The following TTC13 variants were observed in gnomAD, a reference collection of about 807,000 sequenced individuals.
TTC13 encodes the protein tetratricopeptide repeat protein 13.
TTC13 carries 62 observed loss-of-function variants against 120.0 expected under a neutral mutation model. That is an observed-to-expected ratio of 0.52 (90% confidence interval 0.42 to 0.64). The LOEUF (loss-of-function observed/expected upper bound fraction) is 0.64. TTC13 is among the 30% of genes least tolerant of loss of function. TTC13 has a pLI of 0.00. For missense variants in TTC13, 824 were observed against 1,050.2 expected (o/e 0.78, Z 2.98); for synonymous variants, 384 against 393.5 (o/e 0.98, Z 0.28).
Position 230,957,756 on chromosome 1 carries a change from A to G in TTC13, c.442+468T>C, listed in dbSNP as rs376395139. Reference sequence around the variant, plus strand: ...ACACACCAAACTATGTGACTCGTGCAGGTACGAATGAATTCAATTTTTCTA... The same window carrying G: ...ACACACCAAACTATGTGACTCGTGCGGGTACGAATGAATTCAATTTTTCTA... On this transcript the variant is annotated intron_variant, in intron 3 of 22. Transcript: ENST00000366661. 7.6e-4 allele frequency among the ~76,000 whole-genome samples: 116 copies of G among 152,112 alleles called. 1 individual carries two copies. Among genetic ancestry groups the G allele is most frequent in the African/African-American group, 2.6e-3 (108 of 41,490 alleles).
At position 230,944,569 on chromosome 1, in the gene TTC13, C is replaced by T. The variant is rs932383856; in HGVS notation, c.580-671G>A. Among the ~76,000 whole-genome samples the T allele has an allele frequency of 6.6e-6, 1 of 152,114 alleles. No individual in the cohort carries two copies. The highest frequency in any genetic ancestry group is 2.4e-5 in the African/African-American group (1 of 41,428). On this transcript the variant is annotated intron_variant, in intron 5 of 22. Coordinates refer to ENST00000366661, the MANE Select transcript of TTC13 (RefSeq NM_024525.5). This position sits in a 1 kb window ranked among gnomAD's most constrained non-coding sequence, Gnocchi z 4.0. Reference sequence around the variant, plus strand: ...TCCCAATTCTAAATTCATTCTCAGTCCTCTATGTCTCAAAGTATACAAATA... The same window carrying T: ...TCCCAATTCTAAATTCATTCTCAGTTCTCTATGTCTCAAAGTATACAAATA...
chr1:230,954,342 T>G lies in TTC13; in HGVS notation c.504A>C (p.Thr168=). 2.5e-6 allele frequency: 4 copies of G among 1,612,056 alleles called. No homozygotes were observed. Among genetic ancestry groups the G allele is most frequent in the Non-Finnish European group, 3.4e-6 (4 of 1,178,848 alleles). ...TAAGAAGAAAATTTACCTGAAGCATTGTTGAAAAATGCCGTATTGCTTCAT... is the reference window on the plus strand; with the variant it reads ...TAAGAAGAAAATTTACCTGAAGCATGGTTGAAAAATGCCGTATTGCTTCAT... The part of the protein sequence containing the change: ...LYDEAIRHFS[T]MLQEEPDLVS... The change falls in exon 4 of 23, where the codon ACA becomes ACC. Residue 168 remains threonine, a synonymous_variant. Transcript: ENST00000366661.
At chr1:230,919,820 T>C (rs974525022) in intron 17 of TTC13, among the ~76,000 whole-genome samples, 2 of 152,182 alleles carry the variant, frequency 1.3e-5, no homozygotes, top group Non-Finnish European at 2.9e-5. Flanking sequence ...GAAACTCCAA[T>C]GTCTCTCAGC....
intron 8 of TTC13, among the ~76,000 whole-genome samples, chr1:230,934,670 TA>T (rs1211932023): frequency 6.6e-6 from 1 of 152,048 alleles, no homozygotes; most frequent in African/African-American, 2.4e-5. Context: ...TACACTGCAA[TA>T]AAAAAAATTA....
At chr1:230,966,388 TAGG>T (rs978240395) in intron 1 of TTC13, among the ~76,000 whole-genome samples, 4 of 152,228 alleles carry the variant, frequency 2.6e-5, no homozygotes, top group Admixed American at 6.5e-5. Flanking sequence ...TGTAGATTAA[TAGG>T]AGAAGAAATA....
rs1198772802 is a variant in TTC13 at position 230,908,976 on chromosome 1, C to T, written c.2354G>A (p.Gly785Glu). The change falls in exon 21 of 23, where the codon GGA becomes GAA. Residue 785 changes from glycine (G) to glutamate (E), a missense_variant. This residue lies in a region of TTC13 where 226 missense variants were observed against 259.1 expected (regional missense o/e 0.87). Transcript: ENST00000366661. ...GGGAATTTTTCCTGCTACTTCTTTT[C>T]CACTTGCCATCAGTGCTCCCACGAT... is the stretch of plus-strand genomic sequence containing the variant. Reference protein sequence around the residue: ...SVIVGALMASGKEVAGKIPKG... With the variant: ...SVIVGALMASEKEVAGKIPKG... The T allele has an allele frequency of 3.7e-6, 6 of 1,614,068 alleles. No individual in the cohort carries two copies. Among genetic ancestry groups the T allele is most frequent in the Non-Finnish European group, 5.1e-6 (6 of 1,180,040 alleles).
chr1:230,929,026 C>A lies in TTC13; in HGVS notation c.1368G>T (p.Leu456=). Residue 456 remains leucine (L), a synonymous_variant, in exon 12 of 23, where the codon CTG becomes CTT. Coordinates refer to ENST00000366661, the MANE Select transcript of TTC13 (RefSeq NM_024525.5). ...PLTEYNIDVD[L]PGSFKDHWAK... ...CCCAGTGGTCCTTAAAGCTTCCAGG[C>A]AGATCCACATCAATGTTATATTCCG... 6.2e-7 allele frequency: 1 copy of A among 1,614,128 alleles called. No individual in the cohort carries two copies. The highest frequency in any genetic ancestry group is 1.1e-5 in the South Asian group (1 of 91,082).
At chr1:230,968,969 T>C (rs1341823549) in intron 1 of TTC13, among the ~76,000 whole-genome samples, 2 of 152,194 alleles carry the variant, frequency 1.3e-5, no homozygotes, top group Non-Finnish European at 2.9e-5. Flanking sequence ...AGACTGTAAG[T>C]ACAGTCTCTA....
chr1:230,960,329 C>T (rs1457084051), intron 2 of TTC13, among the ~76,000 whole-genome samples: 1 of 152,064 alleles, frequency 6.6e-6, no homozygotes, highest in East Asian at 1.9e-4. Context: ...ACTTTCATAA[C>T]TCTAAGAATC....
At chr1:230,923,757 C>A in intron 15 of TTC13, 84 bp downstream of exon 15, 1 of 1,121,580 alleles carries the variant, frequency 8.9e-7, no homozygotes, top group Non-Finnish European at 1.3e-6. Flanking sequence ...AGGAAAGGAG[C>A]AATGGGTCAC....
chr1:230,949,235 CAGG>C (rs1675304094), intron 4 of TTC13, among the ~76,000 whole-genome samples: 1 of 134,848 alleles, frequency 7.4e-6, no homozygotes, highest in Non-Finnish European at 1.6e-5. Flanking sequence ...GGGAAGCAAG[CAGG>C]ACAACATGGC....
intron 1 of TTC13, among the ~76,000 whole-genome samples, chr1:230,974,076 CA>C (rs56139200): frequency 0.047 from 4,840 of 103,542 alleles, 82 homozygotes; most frequent in Middle Eastern, 0.097. Flanking sequence ...TACTCCATCT[CA>C]AAAAAAAAAA....
intron 4 of TTC13, among the ~76,000 whole-genome samples, chr1:230,952,504 A>G (rs997884943): frequency 8.5e-5 from 13 of 152,248 alleles, no homozygotes; most frequent in Non-Finnish European, 1.6e-4. Flanking sequence ...GTCCAATCTT[A>G]TAATCCACAC....
At chr1:230,922,536 TTC>T (rs1672672737) in intron 15 of TTC13, among the ~76,000 whole-genome samples, 1 of 152,200 alleles carries the variant, frequency 6.6e-6, no homozygotes, top group Non-Finnish European at 1.5e-5. Flanking sequence ...ATGATTTATG[TTC>T]TGACTTCTGC....
intron 2 of TTC13, among the ~76,000 whole-genome samples, chr1:230,960,575 GA>G (rs397983176): frequency 2.5e-3 from 315 of 128,448 alleles, no homozygotes; most frequent in Non-Finnish European, 3.4e-3. Context: ...GGCTTTGTTT[GA>G]AAAAAAAAAA....
At chr1:230,916,333 A>G (rs769711536) in intron 17 of TTC13, 31 bp from the exon 18 acceptor site, 1 of 1,510,410 alleles carries the variant, frequency 6.6e-7, no homozygotes, top group Non-Finnish European at 9.2e-7. Context: ...TCACGTTACT[A>G]GTGTTTCATT....
intron 1 of TTC13, among the ~76,000 whole-genome samples, chr1:230,970,336 C>T (rs1677606827): frequency 6.6e-6 from 1 of 152,148 alleles, no homozygotes; most frequent in Non-Finnish European, 1.5e-5. Flanking sequence ...ATGAACATCT[C>T]CTTTGAGGAA....
chr1:230,940,309 T>C lies in TTC13; in HGVS notation c.789+131A>G. The C allele has an allele frequency of 1.9e-6, 1 of 521,456 alleles. No homozygotes were observed. Among genetic ancestry groups the C allele is most frequent in the Non-Finnish European group, 3.3e-6 (1 of 298,656 alleles). 32.3% of individuals were successfully genotyped at this position (521,456 alleles called of 1,614,324 possible). A position where few individuals can be genotyped will look rare whatever the true frequency, so the allele number is the denominator to read the frequency against. On this transcript the variant is annotated intron_variant, in intron 7 of 22. Coordinates refer to ENST00000366661, the MANE Select transcript of TTC13 (RefSeq NM_024525.5). This position sits in a 1 kb window ranked among gnomAD's most constrained non-coding sequence, Gnocchi z 4.1. ...TAATTTCAGCTACAGAAAATGCTTT[T>C]ATAACTCTTATGACACAGACATATT...
chr1:230,927,843 C>A (rs149703409), intron 12 of TTC13, among the ~76,000 whole-genome samples: 2 of 152,286 alleles, frequency 1.3e-5, no homozygotes, highest in African/African-American at 4.8e-5. Context: ...AGATTTTCAT[C>A]CATTTGGAAT....
Sources: gnomAD v4.1 joint callset for allele counts (sites outside exome capture counted in the v4.1 genomes callset) on GRCh38, gnomAD v4.1.1 for gene constraint, gnomAD v4.1.1 regional missense constraint, Gnocchi (gnomAD v3.1) non-coding constraint, MANE v1.5 for transcripts, NCBI Gene and HGNC (gene_info 2026-07-23, HGNC 2026-07-21) for gene names.